Variants in RC3H2 observed in about 807,000 individuals in gnomAD.
RC3H2 encodes ring finger and CCCH-type domains 2.
In RC3H2, 31 loss-of-function variants were observed where a neutral mutation model predicts 133.3. The ratio of observed to expected loss-of-function variants is 0.23; its 90% CI spans 0.17 to 0.31. The LOEUF is 0.31. Ranked by LOEUF, RC3H2 falls within the 10% of genes least tolerant of loss-of-function variation. The pLI, the probability that RC3H2 is intolerant of heterozygous loss-of-function variation, is 1.00. For synonymous variants in RC3H2, 517 were observed against 502.2 expected (o/e 1.03, Z -0.40); for missense variants, 1,175 against 1,437.2 (o/e 0.82, Z 2.95).
At chr9:122,853,694 G>A (rs573334718) in intron 18 of RC3H2, 2 of 891,044 alleles carry the variant, frequency 2.2e-6, no homozygotes, top group Non-Finnish European at 3.3e-6. Flanking sequence ...AGAGGCTGCA[G>A]TGAGCCAAGA....
intron 1 of RC3H2, among the ~76,000 whole-genome samples, chr9:122,904,860 C>A (rs1282251282): frequency 6.6e-6 from 1 of 152,190 alleles, no homozygotes; most frequent in Non-Finnish European, 1.5e-5. Flanking sequence ...GGCGTCCGCT[C>A]GGCCAGTGTC....
chr9:122,893,501 C>T (rs1407089948), intron 2 of RC3H2, among the ~76,000 whole-genome samples: 1 of 151,876 alleles, frequency 6.6e-6, no homozygotes, highest in Non-Finnish European at 1.5e-5. Flanking sequence ...CTCAAAATAA[C>T]AACAATAACA....
At position 122,859,952 on chromosome 9, in the gene RC3H2, T is replaced by A; in HGVS notation, c.1814A>T (p.Gln605Leu). Reference protein sequence around the residue: ...NIQYFQDPRTQIPFEVPQYPQ... With the variant: ...NIQYFQDPRTLIPFEVPQYPQ... ...GTACTGTGGGACTTCAAAGGGTATC[T>A]GAGTCCTTGGATCTTGAAAATACTG... The change falls in exon 11 of 21, where the codon CAG (glutamine) becomes CTG (leucine). Residue 605 changes from glutamine (Q) to leucine (L), a missense_variant. Physicochemically the swap from Gln to Leu is moderately radical, Grantham distance 113. Transcript: ENST00000357244. 1 of 1,614,102 alleles carries A rather than the reference T, an allele frequency of 6.2e-7. No individual in the cohort carries two copies. Among genetic ancestry groups the A allele is most frequent in the Non-Finnish European group, 8.5e-7 (1 of 1,179,912 alleles).
chr9:122,869,444 A>G (rs1178630702), intron 9 of RC3H2, among the ~76,000 whole-genome samples: 2 of 152,058 alleles, frequency 1.3e-5, no homozygotes, highest in Non-Finnish European at 1.5e-5. Flanking sequence ...TCTCTTTAAC[A>G]TGTACACATT....
chr9:122,880,384 C>T, intron 6 of RC3H2: 1 of 702,990 alleles, frequency 1.4e-6, no homozygotes, highest in Non-Finnish European at 2.5e-6. Context: ...AGCCTCACTG[C>T]TTTTATGCTA....
intron 11 of RC3H2, among the ~76,000 whole-genome samples, chr9:122,859,410 G>T (rs1249778987): frequency 6.6e-6 from 1 of 151,894 alleles, no homozygotes; most frequent in Non-Finnish European, 1.5e-5. Context: ...ATATTTTCAA[G>T]ACACCACTAT....
chr9:122,898,749 C>CAG (rs1554775158), intron 1 of RC3H2, among the ~76,000 whole-genome samples: 3 of 134,892 alleles, frequency 2.2e-5, no homozygotes, highest in Non-Finnish European at 4.7e-5. Context: ...AACTTAATCT[C>CAG]AAAAAAAAAA....
At chr9:122,864,457 C>T (rs544245683) in intron 10 of RC3H2, among the ~76,000 whole-genome samples, 20 of 152,268 alleles carry the variant, frequency 1.3e-4, no homozygotes, top group Admixed American at 3.9e-4. Flanking sequence ...AGTATTAATT[C>T]ACTTAATCCT....
chr9:122,899,077 T>C (rs920792976), intron 1 of RC3H2, among the ~76,000 whole-genome samples: 1 of 148,766 alleles, frequency 6.7e-6, no homozygotes, highest in African/African-American at 2.5e-5. Flanking sequence ...AAAATTCTAT[T>C]AGCCTTTATT....
At chr9:122,878,920 T>G (rs1200662630) in intron 8 of RC3H2, among the ~76,000 whole-genome samples, 2 of 145,810 alleles carry the variant, frequency 1.4e-5, no homozygotes, top group Non-Finnish European at 3.0e-5. Flanking sequence ...GGCTCATTTT[T>G]GTATTTTTTT....
Position 122,891,140 on chromosome 9 carries a change from C to G in RC3H2, c.350-595G>C, listed in dbSNP as rs7869579. The stretch of plus-strand genomic sequence containing the variant: ...ATTCAAGCAATTCTCCTGCCTCAGC[C>G]TCCCGAGTAGCTGGGATTACAGGTG... On this transcript the variant is annotated intron_variant, in intron 3 of 20. Coordinates refer to ENST00000357244, the MANE Select transcript of RC3H2 (RefSeq NM_001100588.3). Among the ~76,000 whole-genome samples, 418 of 151,704 alleles carry G rather than the reference C, an allele frequency of 2.8e-3. 1 individual carries two copies. Among genetic ancestry groups the G allele is most frequent in the African/African-American group, 9.4e-3 (389 of 41,344 alleles).
chr9:122,849,795 T>C lies in RC3H2; in HGVS notation c.3408A>G (p.Val1136=). 6.4e-7 allele frequency: 1 copy of C among 1,572,166 alleles called. No homozygotes were observed. Among genetic ancestry groups the C allele is most frequent in the Non-Finnish European group, 8.6e-7 (1 of 1,163,024 alleles). The change falls in exon 21 of 21, where the codon GTA becomes GTG. Residue 1136 remains valine, a synonymous_variant. Transcript: ENST00000357244. ...ILEEQKTILP[V]TSCFSQPLPV... Reference sequence around the variant, plus strand: ...GGAGTGGCTGGCTAAAGCAAGAAGTTACCGGCAGAATTGTTTTTTGCTCCT... The same window carrying C: ...GGAGTGGCTGGCTAAAGCAAGAAGTCACCGGCAGAATTGTTTTTTGCTCCT...
intron 2 of RC3H2, among the ~76,000 whole-genome samples, chr9:122,896,870 A>C (rs1219967782): frequency 6.6e-6 from 1 of 151,592 alleles, no homozygotes; most frequent in East Asian, 1.9e-4. Context: ...TAAAAATACA[A>C]AAAAAATTAG....
Position 122,858,022 on chromosome 9 carries a change from G to A in RC3H2, c.2355C>T (p.Tyr785=). The part of the protein sequence containing the change: ...IRRKPDQWAQ[Y]HTQKAPLVSS... ...AGACAAGAGGTGCTTTCTGAGTGTGGTACTGTGCCCACTGATCTGGCTTTC... is the reference window on the plus strand; with the variant it reads ...AGACAAGAGGTGCTTTCTGAGTGTGATACTGTGCCCACTGATCTGGCTTTC... Residue 785 remains tyrosine, a synonymous_variant, in exon 13 of 21, where the codon TAC becomes TAT. Coordinates refer to ENST00000357244, the MANE Select transcript of RC3H2 (RefSeq NM_001100588.3). The A allele has an allele frequency of 6.2e-7, 1 of 1,614,164 alleles. No homozygotes were observed. The highest frequency in any genetic ancestry group is 8.5e-7 in the Non-Finnish European group (1 of 1,179,962).
chr9:122,877,551 C>T lies in RC3H2; in HGVS notation c.1245G>A (p.Met415Ile). 1 of 1,614,190 alleles carries T rather than the reference C, an allele frequency of 6.2e-7. No individual in the cohort carries two copies. The highest frequency in any genetic ancestry group is 8.5e-7 in the Non-Finnish European group (1 of 1,180,002). ...CCCCTTGCTGTCGCAAATCTCGGCACATGCTAGTCTTGTATTTGCTGTTTG... is the reference window on the plus strand; with the variant it reads ...CCCCTTGCTGTCGCAAATCTCGGCATATGCTAGTCTTGTATTTGCTGTTTG... ...PQPNSKYKTS[M>I]CRDLRQQGGC... The change falls in exon 9 of 21, where the codon ATG becomes ATA. Residue 415 changes from methionine (M) to isoleucine (I), a missense_variant. By Grantham distance (10) the Met-to-Ile change is conservative. Around this residue, in one of 8 missense-constraint regions of RC3H2, gnomAD observed 131 missense variants for 154.2 expected, o/e 0.85. Coordinates refer to ENST00000357244, the MANE Select transcript of RC3H2 (RefSeq NM_001100588.3).
rs1363528659 is a variant in RC3H2, at chr9:122,865,467, G to A, written c.1516C>T (p.Leu506=). 6.2e-7 allele frequency: 1 copy of A among 1,614,176 alleles called. No individual in the cohort carries two copies. Among genetic ancestry groups the A allele is most frequent in the Non-Finnish European group, 8.5e-7 (1 of 1,180,016 alleles). The change falls in exon 10 of 21, where the codon CTA becomes TTA. Residue 506 remains leucine (L), a synonymous_variant. Coordinates refer to ENST00000357244, the MANE Select transcript of RC3H2 (RefSeq NM_001100588.3). ...GTACTGTCAGTACTACGTGAGATTAGCTGGGAAACACTGTTTTCTGCATTT... is the reference window on the plus strand; with the variant it reads ...GTACTGTCAGTACTACGTGAGATTAACTGGGAAACACTGTTTTCTGCATTT... ...ISNAENSVSQ[L]ISRSTDSTLR... is the part of the protein sequence containing the mutation.
chr9:122,872,526 T>C (rs1415543911), intron 9 of RC3H2, among the ~76,000 whole-genome samples: 1 of 152,244 alleles, frequency 6.6e-6, no homozygotes, highest in Non-Finnish European at 1.5e-5. Flanking sequence ...AAATTGCTTA[T>C]TTACATGTTT....
At chr9:122,851,549 C>G in intron 18 of RC3H2, 113 bp from the exon 19 acceptor site, 2 of 1,383,432 alleles carry the variant, frequency 1.4e-6, no homozygotes, top group Non-Finnish European at 9.7e-7. Flanking sequence ...CATGCCGAGC[C>G]GAAGCTGGAC....
At chr9:122,881,256 G>C (rs1202107973) in intron 5 of RC3H2, among the ~76,000 whole-genome samples, 4 of 152,058 alleles carry the variant, frequency 2.6e-5, no homozygotes, top group Admixed American at 2.0e-4. Flanking sequence ...AGAGGCCGAG[G>C]TGGGCAGATC....
Sources: gnomAD v4.1 joint callset for allele counts (sites outside exome capture counted in the v4.1 genomes callset) on GRCh38, gnomAD v4.1.1 for gene constraint, gnomAD v4.1.1 regional missense constraint, MANE v1.5 for transcripts, NCBI Gene and HGNC (gene_info 2026-07-23, HGNC 2026-07-21) for gene names.